Variants in ANO3 observed in about 807,000 individuals in gnomAD.
ANO3 encodes the protein anoctamin-3.
A neutral mutation model predicts 144.8 loss-of-function variants in ANO3; 99 were observed. The observed-to-expected ratio is 0.68, with a 90% CI of 0.58 to 0.81. The LOEUF (loss-of-function observed/expected upper bound fraction) is 0.81, where lower values mean the gene tolerates loss of function less well. ANO3 is among the 30% of genes least tolerant of loss of function. The pLI, the probability that ANO3 is intolerant of heterozygous loss-of-function variation, is 0.00. For missense variants in ANO3, 905 were observed against 1,202.2 expected, an observed-to-expected ratio of 0.75 and a Z score of 3.66; for synonymous variants, 414 against 392.6, an observed-to-expected ratio of 1.05 and a Z score of -0.64.
At position 26,373,521 on chromosome 11, in the gene ANO3, T is replaced by G. The variant is rs373517678; in HGVS notation, c.46+41200T>G. ...GCTTTTCTTTATAAATTACCCCGTT[T>G]TAGGTATTTCTTTATATCAGTGTGA... On this transcript the variant is annotated intron_variant, in intron 1 of 26. Transcript: ENST00000256737. Among the ~76,000 whole-genome samples the G allele has an allele frequency of 3.1e-4, 47 of 152,346 alleles. 1 individual carries two copies. The South Asian group carries it at 9.3e-3, about 30-fold the overall frequency.
At chr11:26,273,782 T>C (rs954149536) in intron 1 of ANO3, among the ~76,000 whole-genome samples, 2 of 151,994 alleles carry the variant, frequency 1.3e-5, no homozygotes, top group Admixed American at 1.3e-4. Flanking sequence ...TTGATGGAGA[T>C]GACTGCTTCC....
chr11:26,508,324 T>A, intron 5 of ANO3, 62 bp downstream of exon 5: 1 of 1,467,800 alleles, frequency 6.8e-7, no homozygotes, highest in Non-Finnish European at 9.1e-7. Context: ...TAATCACTTA[T>A]GGTTTAGAAA....
At chr11:26,335,917 C>T (rs947009157) in intron 1 of ANO3, among the ~76,000 whole-genome samples, 47 of 152,212 alleles carry the variant, frequency 3.1e-4, no homozygotes, top group Admixed American at 1.8e-3. Context: ...TTTTACTCCA[C>T]TGTAAATTTT....
chr11:26,331,038 G>A (rs929234522), upstream of ANO3, among the ~76,000 whole-genome samples: 1 of 152,196 alleles, frequency 6.6e-6, no homozygotes, highest in Non-Finnish European at 1.5e-5. Flanking sequence ...GAGGAAAGGA[G>A]ATCCTACTGA....
At chr11:26,411,244 G>C (rs531877841) in intron 1 of ANO3, among the ~76,000 whole-genome samples, 8 of 151,974 alleles carry the variant, frequency 5.3e-5, no homozygotes, top group African/African-American at 1.7e-4. Flanking sequence ...GCTCTTGACT[G>C]TATGTAGTTT....
chr11:26,597,719 G>A (rs1851677392), intron 14 of ANO3, among the ~76,000 whole-genome samples: 1 of 152,162 alleles, frequency 6.6e-6, no homozygotes, highest in South Asian at 2.1e-4. Context: ...GTTCTTAGTT[G>A]TGTCCACAAA....
At chr11:26,201,172 A>G (rs186874291) in intron 1 of ANO3, among the ~76,000 whole-genome samples, 90 of 152,314 alleles carry the variant, frequency 5.9e-4, no homozygotes, top group Non-Finnish European at 9.9e-4. Context: ...ACATCTTTTC[A>G]GTATTCACCA....
chr11:26,341,950 C>T (rs1175973961), intron 1 of ANO3, among the ~76,000 whole-genome samples: 1 of 152,178 alleles, frequency 6.6e-6, no homozygotes, highest in Admixed American at 6.5e-5. Context: ...TTAGATGGTG[C>T]CCACTCAGAT....
chr11:26,452,262 G>C (rs1213731838), intron 3 of ANO3, among the ~76,000 whole-genome samples: 3 of 152,208 alleles, frequency 2.0e-5, no homozygotes, highest in South Asian at 2.1e-4. Context: ...AGAGAAGAAG[G>C]CTTCAGATGA....
intron 24 of ANO3, among the ~76,000 whole-genome samples, chr11:26,648,081 A>G (rs1853407230): frequency 6.6e-6 from 1 of 152,190 alleles, no homozygotes; most frequent in South Asian, 2.1e-4. Context: ...ATGCATCACA[A>G]GTATCAAAAT....
At chr11:26,309,272 T>C (rs1854454172), upstream of ANO3, among the ~76,000 whole-genome samples, 1 of 152,118 alleles carries the variant, frequency 6.6e-6, no homozygotes, top group Non-Finnish European at 1.5e-5. Flanking sequence ...ATGAAAAAGA[T>C]CAGAGTGAGC....
At chr11:26,329,765 G>T (rs1278632404), upstream of ANO3, among the ~76,000 whole-genome samples, 2 of 152,028 alleles carry the variant, frequency 1.3e-5, no homozygotes, top group African/African-American at 4.8e-5. Flanking sequence ...ATCTTAGGAA[G>T]GTAAAGGTGA....
chr11:26,601,511 C>T (rs1295846712), intron 17 of ANO3, among the ~76,000 whole-genome samples: 5 of 149,166 alleles, frequency 3.4e-5, no homozygotes, highest in African/African-American at 7.4e-5. Context: ...ATGCTCTTGA[C>T]TCATAATTTA....
intron 7 of ANO3, among the ~76,000 whole-genome samples, chr11:26,530,024 T>G (rs1361883173): frequency 6.6e-6 from 1 of 152,154 alleles, no homozygotes; most frequent in Non-Finnish European, 1.5e-5. Flanking sequence ...ATGTGGAATC[T>G]CAGTCCCTAT....
In ANO3 at chr11:26,651,912, C is replaced by T. The variant is rs142679195; in HGVS notation, c.2576+4056C>T. 5.3e-5 allele frequency among the ~76,000 whole-genome samples: 8 copies of T among 152,294 alleles called. No individual in the cohort carries two copies. The East Asian group carries it at 1.5e-3, about 29-fold the overall frequency. ...AAATTAATTTTAACAATTCTTTGAA[C>T]TCACCTGGATCTCTAAAGCATTGGT... On this transcript the variant is annotated intron_variant, in intron 24 of 26. Transcript: ENST00000256737.
chr11:26,193,394 C>T (rs1590185794), intron 1 of ANO3, among the ~76,000 whole-genome samples: 1 of 152,212 alleles, frequency 6.6e-6, no homozygotes, highest in East Asian at 1.9e-4. Flanking sequence ...CCCGCCTCAG[C>T]CTCCCAAAGT....
At chr11:26,465,911 T>C (rs1057398168) in intron 4 of ANO3, among the ~76,000 whole-genome samples, 3 of 152,016 alleles carry the variant, frequency 2.0e-5, no homozygotes, top group African/African-American at 4.8e-5. Flanking sequence ...AACTATAGTT[T>C]GCTGTAGAAT....
At chr11:26,508,616 A>T (rs12292902) in intron 5 of ANO3, 6,975 of 227,682 alleles carry the variant, frequency 0.031, 265 homozygotes, top group African/African-American at 0.098. Context: ...TAGTGCTGGA[A>T]CTATGAGTGG....
intron 15 of ANO3, 107 bp downstream of exon 15, chr11:26,598,554 T>TC: frequency 1.3e-6 from 1 of 750,122 alleles, no homozygotes; most frequent in Non-Finnish European, 2.2e-6. Flanking sequence ...ATTAGATTTT[T>TC]CCCTTGATCT....
Sources: gnomAD v4.1 joint callset for allele counts (sites outside exome capture counted in the v4.1 genomes callset) on GRCh38, gnomAD v4.1.1 for gene constraint, MANE v1.5 for transcripts, NCBI Gene and HGNC (gene_info 2026-07-23, HGNC 2026-07-21) for gene names.